The following UHMK1 variants were observed in gnomAD, a reference collection of about 807,000 sequenced individuals.
UHMK1 encodes U2AF homology motif kinase 1.
Under a neutral mutation model 44.0 loss-of-function variants are expected in UHMK1, and 18 were observed. That is an observed-to-expected ratio of 0.41 (90% CI 0.28 to 0.61). UHMK1 has a LOEUF of 0.61. Among genes scored for constraint, UHMK1 ranks in the 20% least tolerant of loss-of-function variants. UHMK1 has a pLI of 0.31. For synonymous variants in UHMK1, 231 were observed against 198.5 expected, an observed-to-expected ratio of 1.16 and a Z score of -1.38; for missense variants, 463 against 522.5, an observed-to-expected ratio of 0.89 and a Z score of 1.11.
chr1:162,498,806 A>G (rs1419571965), intron 1 of UHMK1, among the ~76,000 whole-genome samples: 1 of 152,234 alleles, frequency 6.6e-6, no homozygotes, highest in Non-Finnish European at 1.5e-5. Context: ...CAAGAATCAG[A>G]TACTCAGAAT....
upstream of UHMK1, chr1:162,497,803 C>T: frequency 7.4e-7 from 1 of 1,343,028 alleles, no homozygotes; most frequent in Non-Finnish European, 9.5e-7. Context: ...GGCTCTTCCT[C>T]CATTTCCGGC....
intron 2 of UHMK1, 135 bp downstream of exon 2, chr1:162,500,382 C>G: frequency 9.4e-7 from 1 of 1,065,830 alleles, no homozygotes; most frequent in South Asian, 1.8e-5. Flanking sequence ...CCAGGGGATG[C>G]AGTAAATCAA....
chr1:162,520,848 T>C (rs1323466870), intron 7 of UHMK1, among the ~76,000 whole-genome samples: 1 of 152,186 alleles, frequency 6.6e-6, no homozygotes, highest in African/African-American at 2.4e-5. Flanking sequence ...AGGACTGACA[T>C]GATCTGACTC....
intron 6 of UHMK1, among the ~76,000 whole-genome samples, chr1:162,517,134 A>G (rs6427678): frequency 0.44 from 66,501 of 151,992 alleles, 14,656 homozygotes; most frequent in Non-Finnish European, 0.46. Flanking sequence ...CCCTGTCTCT[A>G]CTAAAAATGC....
At position 162,497,855 on chromosome 1, in the gene UHMK1, G is replaced by A. The variant is rs939261708; in HGVS notation, c.-146G>A. ...CACCACGGCTTCCGGTGTCATGGCT[G>A]CTTGAAGTCCCGGGAGTCGGTGAGG... On this transcript the variant is annotated 5_prime_UTR_variant, in exon 1 of 8. Coordinates refer to ENST00000489294, the MANE Select transcript of UHMK1 (RefSeq NM_175866.5). The A allele has an allele frequency of 7.3e-7, 1 of 1,377,104 alleles. No individual in the cohort carries two copies. The highest frequency in any genetic ancestry group is 9.3e-7 in the Non-Finnish European group (1 of 1,070,860). The allele number at this position is 1,377,104 out of a possible 1,614,324, so 85.3% of individuals were successfully genotyped here.
intron 7 of UHMK1, among the ~76,000 whole-genome samples, chr1:162,520,756 AGTAGAGTGAGCTGG>A (rs1188889717): frequency 2.0e-5 from 3 of 152,198 alleles, no homozygotes; most frequent in Non-Finnish European, 4.4e-5. Context: ...GGGCTTATTA[AGTAGAGTGAGCTGG>A]GTAGAGTATT....
At chr1:162,502,486 C>T (rs1290891427) in intron 3 of UHMK1, among the ~76,000 whole-genome samples, 6 of 151,996 alleles carry the variant, frequency 3.9e-5, no homozygotes, top group Non-Finnish European at 7.4e-5. Flanking sequence ...AAGAGTCTTA[C>T]GTATTCTTTC....
At chr1:162,507,932 A>T (rs973774615) in intron 4 of UHMK1, among the ~76,000 whole-genome samples, 1 of 151,924 alleles carries the variant, frequency 6.6e-6, no homozygotes, top group Non-Finnish European at 1.5e-5. Context: ...ACTCTTTAAG[A>T]CATTATTTGT....
upstream of UHMK1, chr1:162,497,671 A>C: frequency 1.4e-6 from 1 of 727,652 alleles, no homozygotes; most frequent in Non-Finnish European, 1.9e-6. Context: ...TGGGCCTGGA[A>C]TGGTAGATAC....
chr1:162,500,262 T>C lies in UHMK1; in HGVS notation c.561+15T>C. 3 of 1,598,208 alleles carry C rather than the reference T, an allele frequency of 1.9e-6. No homozygotes were observed. Among genetic ancestry groups the C allele is most frequent in the African/African-American group, 2.7e-5 (2 of 74,398 alleles). ...AAGGCAATCAGGTAAGAAATAACCT[T>C]TTCTTTTCTCTCGCAGTTTAAAATG... On this transcript the variant is annotated intron_variant, in intron 2 of 7. Transcript: ENST00000489294.
rs1372259583 is a variant in UHMK1, at chr1:162,529,404, T to G, written c.*6854T>G. 1 of 152,226 alleles carries G rather than the reference T, an allele frequency of 6.6e-6. No individual in the cohort carries two copies. Among genetic ancestry groups the G allele is most frequent in the African/African-American group, 2.4e-5 (1 of 41,472 alleles). 9.4% of individuals were successfully genotyped at this position (152,226 alleles called of 1,614,324 possible). A position where few individuals can be genotyped will look rare whatever the true frequency, so the allele number is the denominator to read the frequency against. On this transcript the variant is annotated 3_prime_UTR_variant, in exon 8 of 8. Transcript: ENST00000489294. ...TTTCCTGCTGAATAGCAAAGAACTT[T>G]TATTTTCCACTTTCCTATATTCCTA...
intron 4 of UHMK1, 150 bp downstream of exon 4, chr1:162,503,998 G>C (rs1651376815): frequency 3.2e-6 from 2 of 627,218 alleles, no homozygotes; most frequent in Non-Finnish European, 5.3e-6. Flanking sequence ...TCAAAGGAAT[G>C]CTCTTTTGCT....
intron 3 of UHMK1, among the ~76,000 whole-genome samples, chr1:162,503,046 T>C (rs1651332218): frequency 6.6e-6 from 1 of 152,210 alleles, no homozygotes. Context: ...ATGAGTAATA[T>C]GACAAATAAG....
At position 162,514,017 on chromosome 1, in the gene UHMK1, GGACTAAAACA is replaced by G. The variant is rs1651753858; in HGVS notation, c.1024+1196_1024+1205del. Among the ~76,000 whole-genome samples the G allele has an allele frequency of 3.3e-5, 5 of 152,272 alleles. No individual in the cohort carries two copies. The South Asian group carries it at 1.0e-3, about 32-fold the overall frequency. On this transcript the variant is annotated intron_variant, in intron 6 of 7. Transcript: ENST00000489294. ...GACATTTTGGAAACAGAGAGGGAGT[GGACTAAAACA>G]GGGCCAAACTTAGACCAAGGACAAC... is the stretch of plus-strand genomic sequence containing the variant.
chr1:162,518,477 C>T (rs998092116), intron 7 of UHMK1, among the ~76,000 whole-genome samples: 5 of 151,298 alleles, frequency 3.3e-5, no homozygotes, highest in Non-Finnish European at 7.4e-5. Flanking sequence ...GGGTGGATTA[C>T]TTGAGGTTAG....
intron 7 of UHMK1, among the ~76,000 whole-genome samples, chr1:162,520,705 A>G (rs1216236953): frequency 6.6e-6 from 1 of 152,160 alleles, no homozygotes; most frequent in Non-Finnish European, 1.5e-5. Flanking sequence ...GAGAAAGAAG[A>G]ATAGTAGGAG....
rs1250911843 is a variant in UHMK1, at chr1:162,525,100, C to A, written c.*2550C>A. On this transcript the variant is annotated 3_prime_UTR_variant, in exon 8 of 8. Coordinates refer to ENST00000489294, the MANE Select transcript of UHMK1 (RefSeq NM_175866.5). ...AAGCCAGAGAATTGAAAAAGAAATG[C>A]CTCCTGTGATTGAAATTATTTTATA... 1 of 152,082 alleles carries A rather than the reference C, an allele frequency of 6.6e-6. No individual in the cohort carries two copies. Among genetic ancestry groups the A allele is most frequent in the Non-Finnish European group, 1.5e-5 (1 of 68,012 alleles). 9.4% of individuals were successfully genotyped at this position (152,082 alleles called of 1,614,324 possible). A position where few individuals can be genotyped will look rare whatever the true frequency, so the allele number is the denominator to read the frequency against.
chr1:162,502,610 T>A (rs566187370), intron 3 of UHMK1, among the ~76,000 whole-genome samples: 2 of 152,162 alleles, frequency 1.3e-5, no homozygotes, highest in African/African-American at 2.4e-5. Flanking sequence ...ACATTCAAAT[T>A]TGTGTGAAAT....
At chr1:162,511,841 A>G (rs1336306320) in intron 4 of UHMK1, among the ~76,000 whole-genome samples, 3 of 152,122 alleles carry the variant, frequency 2.0e-5, no homozygotes, top group Non-Finnish European at 4.4e-5. Flanking sequence ...TTTATTGAAA[A>G]TACTGTCCTT....
Sources: gnomAD v4.1 joint callset for allele counts (sites outside exome capture counted in the v4.1 genomes callset) on GRCh38, gnomAD v4.1.1 for gene constraint, MANE v1.5 for transcripts, NCBI Gene and HGNC (gene_info 2026-07-23, HGNC 2026-07-21) for gene names.